Variants in FNDC3A observed in about 807,000 individuals in gnomAD.
FNDC3A encodes the protein fibronectin type-III domain-containing protein 3A.
In FNDC3A, 32 loss-of-function variants were observed where a neutral mutation model predicts 148.9. The ratio of observed to expected loss-of-function variants is 0.21; its 90% CI spans 0.16 to 0.29. The LOEUF (loss-of-function observed/expected upper bound fraction) is 0.29. Ranked by LOEUF, FNDC3A falls within the 10% of genes least tolerant of loss-of-function variation. FNDC3A has a pLI of 1.00. For missense variants in FNDC3A, 1,191 were observed against 1,452.8 expected (o/e 0.82, Z 2.93); for synonymous variants, 472 against 473.6 (o/e 1.00, Z 0.04).
chr13:49,031,166 C>T (rs1229288949), intron 2 of FNDC3A, among the ~76,000 whole-genome samples: 1 of 152,130 alleles, frequency 6.6e-6, no homozygotes, highest in Non-Finnish European at 1.5e-5. Flanking sequence ...GTGAGCAGAT[C>T]ACTTGAGGTC....
intron 1 of FNDC3A, among the ~76,000 whole-genome samples, chr13:48,997,952 C>T (rs1165471163): frequency 6.6e-6 from 1 of 150,670 alleles, no homozygotes; most frequent in Non-Finnish European, 1.5e-5. Flanking sequence ...AGGGGCAATT[C>T]CAGTGAGGGC....
chr13:49,071,388 T>C (rs746520555), intron 2 of FNDC3A, among the ~76,000 whole-genome samples: 5 of 152,302 alleles, frequency 3.3e-5, no homozygotes, highest in Middle Eastern at 6.8e-3. Flanking sequence ...TTTGGACATA[T>C]ACTCAGCAGT....
At chr13:49,197,619 T>G (rs1460643530) in intron 20 of FNDC3A, 106 bp from the exon 21 acceptor site, 1 of 882,060 alleles carries the variant, frequency 1.1e-6, no homozygotes, top group Non-Finnish European at 1.8e-6. Context: ...TTAAAGAAAC[T>G]CAAAAGCAAT....
At chr13:49,189,320 C>G (rs765449417) in intron 17 of FNDC3A, among the ~76,000 whole-genome samples, 89 of 151,946 alleles carry the variant, frequency 5.9e-4, no homozygotes, top group Admixed American at 2.0e-3. Flanking sequence ...GTAGCTGGGA[C>G]TACAGGCGCC....
In FNDC3A at chr13:49,191,933, C is replaced by G. The variant is rs550488643; in HGVS notation, c.2226+549C>G. Among the ~76,000 whole-genome samples, 9 of 152,210 alleles carry G rather than the reference C, an allele frequency of 5.9e-5. No homozygotes were observed. The South Asian group carries it at 1.9e-3, about 32-fold the overall frequency. ...AAAGTGGACAAAGTAGGTGATATCT[C>G]CATTTCACAACTAAGGAAACGGGTT... On this transcript the variant is annotated intron_variant, in intron 19 of 25. Transcript: ENST00000492622.
At chr13:48,978,194 TCA>T (rs1951636970) in intron 1 of FNDC3A, among the ~76,000 whole-genome samples, 1 of 152,156 alleles carries the variant, frequency 6.6e-6, no homozygotes. Context: ...TCTTTACTAG[TCA>T]CATTTCTACA....
rs528857202 is a variant in FNDC3A at position 49,202,408 on chromosome 13, A to G, written c.3154+442A>G. Among the ~76,000 whole-genome samples, 10 of 152,366 alleles carry G rather than the reference A, an allele frequency of 6.6e-5. No individual in the cohort carries two copies. The East Asian group carries it at 1.9e-3, about 29-fold the overall frequency. ...GGGTTTTTCAATTAGTTTTACACACACATGTACACATATTTACACACATTT... is the reference window on the plus strand; with the variant it reads ...GGGTTTTTCAATTAGTTTTACACACGCATGTACACATATTTACACACATTT... On this transcript the variant is annotated intron_variant, in intron 24 of 25. Transcript: ENST00000492622.
At chr13:49,053,019 G>T (rs1427542906) in intron 2 of FNDC3A, among the ~76,000 whole-genome samples, 1 of 152,116 alleles carries the variant, frequency 6.6e-6, no homozygotes, top group Non-Finnish European at 1.5e-5. Context: ...GCACTCACAG[G>T]CCTCACCCTG....
At chr13:49,162,240 AC>A (rs1393258610) in intron 8 of FNDC3A, among the ~76,000 whole-genome samples, 1 of 152,224 alleles carries the variant, frequency 6.6e-6, no homozygotes, top group African/African-American at 2.4e-5. Context: ...ACTTACAGGT[AC>A]ACCAATGAGA....
chr13:49,062,917 CCTGCTATTTCCCTGGATATTTTAA>C (rs1168606481), intron 2 of FNDC3A, among the ~76,000 whole-genome samples: 1 of 152,120 alleles, frequency 6.6e-6, no homozygotes, highest in Non-Finnish European at 1.5e-5. Flanking sequence ...AATTTCACCT[CCTGCTATTTCCCTGGATATTTTAA>C]CTTAAAATAG....
At chr13:49,168,275 C>T (rs1163740361) in intron 9 of FNDC3A, among the ~76,000 whole-genome samples, 1 of 152,066 alleles carries the variant, frequency 6.6e-6, no homozygotes, top group East Asian at 1.9e-4. Flanking sequence ...GAATTTAATT[C>T]TGTGGGTTAT....
At chr13:49,129,138 T>C (rs1881879390) in intron 4 of FNDC3A, among the ~76,000 whole-genome samples, 1 of 152,244 alleles carries the variant, frequency 6.6e-6, no homozygotes, top group African/African-American at 2.4e-5. Flanking sequence ...CAGTTTGTTT[T>C]GCTGAAAAAT....
At chr13:49,118,270 C>CT (rs1454293726) in intron 4 of FNDC3A, among the ~76,000 whole-genome samples, 1 of 152,162 alleles carries the variant, frequency 6.6e-6, no homozygotes, top group East Asian at 1.9e-4. Flanking sequence ...GCTCCCTCCC[C>CT]TAGCCAAGGG....
intron 8 of FNDC3A, among the ~76,000 whole-genome samples, chr13:49,161,527 A>G (rs1258162575): frequency 6.6e-6 from 1 of 152,112 alleles, no homozygotes; most frequent in Non-Finnish European, 1.5e-5. Flanking sequence ...ACCCCTGAAT[A>G]CAGCACACTG....
intron 8 of FNDC3A, among the ~76,000 whole-genome samples, chr13:49,150,154 G>T (rs1593662639): frequency 1.3e-5 from 2 of 152,040 alleles, no homozygotes; most frequent in African/African-American, 4.8e-5. Flanking sequence ...GCCTAAGCTG[G>T]ACTCAAACTC....
At chr13:49,115,894 C>A (rs1880922506) in intron 4 of FNDC3A, among the ~76,000 whole-genome samples, 1 of 152,200 alleles carries the variant, frequency 6.6e-6, no homozygotes. Flanking sequence ...AAATTTGGTA[C>A]CACTGATAAG....
intron 4 of FNDC3A, 34 bp downstream of exon 4, chr13:49,114,765 G>T (rs112606858): frequency 2.6e-5 from 34 of 1,315,092 alleles, no homozygotes; most frequent in Non-Finnish European, 3.7e-5. Context: ...TTTCATATTT[G>T]TATAATAGTG....
chr13:49,109,866 T>C (rs959539245), intron 3 of FNDC3A, among the ~76,000 whole-genome samples: 1 of 152,204 alleles, frequency 6.6e-6, no homozygotes, highest in Non-Finnish European at 1.5e-5. Flanking sequence ...CAATTATTTG[T>C]GTATTGTGGA....
intron 2 of FNDC3A, among the ~76,000 whole-genome samples, chr13:49,074,245 A>C: frequency 6.6e-6 from 1 of 151,298 alleles, no homozygotes; most frequent in East Asian, 1.9e-4. Context: ...CCCTCTCCTC[A>C]CCTCCCCGCA....
Sources: gnomAD v4.1 joint callset for allele counts (sites outside exome capture counted in the v4.1 genomes callset) on GRCh38, gnomAD v4.1.1 for gene constraint, MANE v1.5 for transcripts, NCBI Gene and HGNC (gene_info 2026-07-23, HGNC 2026-07-21) for gene names.